TBL1XR1: variants seen among roughly 807,000 people sequenced by gnomAD.
TBL1XR1 encodes TBL1X/Y related 1, also known as F-box-like/WD repeat-containing protein TBL1XR1.
Under a neutral mutation model 66.9 loss-of-function variants are expected in TBL1XR1, and 5 were observed. That is an observed-to-expected ratio of 0.07 (90% confidence interval 0.04 to 0.16). The LOEUF is 0.16. Ranked by LOEUF, TBL1XR1 falls within the 10% of genes least tolerant of loss-of-function variation. The pLI, the probability that TBL1XR1 is intolerant of heterozygous loss-of-function variation, is 1.00. For missense variants in TBL1XR1, 238 were observed against 623.2 expected, an observed-to-expected ratio of 0.38 and a Z score of 6.58; for synonymous variants, 210 against 206.0, an observed-to-expected ratio of 1.02 and a Z score of -0.17.
chr3:177,145,068 T>C (rs1279881698), intron 1 of TBL1XR1, among the ~76,000 whole-genome samples: 4 of 152,234 alleles, frequency 2.6e-5, no homozygotes, highest in Non-Finnish European at 5.9e-5. Flanking sequence ...TGTTTAATTA[T>C]AACTTCAAGT....
intron 1 of TBL1XR1, among the ~76,000 whole-genome samples, chr3:177,100,589 C>G (rs1012856322): frequency 5.3e-5 from 8 of 151,986 alleles, no homozygotes; most frequent in Admixed American, 3.3e-4. Context: ...CACGCCTGGC[C>G]AATTTTGGTA....
At chr3:177,141,907 G>A (rs1729674898) in intron 1 of TBL1XR1, among the ~76,000 whole-genome samples, 1 of 152,164 alleles carries the variant, frequency 6.6e-6, no homozygotes, top group African/African-American at 2.4e-5. Flanking sequence ...CAACATAGAT[G>A]ACTGTGAGGA....
chr3:177,025,838 A>G (rs182640282), intron 15 of TBL1XR1: 7 of 359,576 alleles, frequency 1.9e-5, no homozygotes, highest in Non-Finnish European at 3.0e-5. Context: ...CTAATGAAAG[A>G]TATCACAGAT....
At chr3:177,150,942 T>C (rs1432437831) in intron 1 of TBL1XR1, among the ~76,000 whole-genome samples, 1 of 152,148 alleles carries the variant, frequency 6.6e-6, no homozygotes, top group Non-Finnish European at 1.5e-5. Flanking sequence ...GGAAGGTGAG[T>C]TGTTCAAAAC....
intron 1 of TBL1XR1, among the ~76,000 whole-genome samples, chr3:177,132,401 G>T (rs947818852): frequency 1.4e-4 from 21 of 152,310 alleles, no homozygotes; most frequent in Middle Eastern, 6.8e-3. Flanking sequence ...CTTTGCTTGT[G>T]ATGTGCAACC....
chr3:177,146,668 T>G (rs1730295316), intron 1 of TBL1XR1, among the ~76,000 whole-genome samples: 2 of 149,708 alleles, frequency 1.3e-5, no homozygotes, highest in Non-Finnish European at 3.0e-5. Flanking sequence ...CAGGAAGCTA[T>G]CAAGCTCACA....
intron 1 of TBL1XR1, among the ~76,000 whole-genome samples, chr3:177,194,562 A>AGGG (rs1559976300): frequency 6.6e-6 from 1 of 152,214 alleles, no homozygotes; most frequent in Non-Finnish European, 1.5e-5. Flanking sequence ...AAGTTGTACT[A>AGGG]GGGAGATTCC....
At chr3:177,144,113 T>TATA (rs909360986) in intron 1 of TBL1XR1, among the ~76,000 whole-genome samples, 6 of 151,984 alleles carry the variant, frequency 3.9e-5, no homozygotes, top group African/African-American at 1.4e-4. Context: ...GGCATGGTGC[T>TATA]ATATGCCTGT....
At chr3:177,032,646 T>G (rs2108406026) in intron 14 of TBL1XR1, 1 of 174,146 alleles carries the variant, frequency 5.7e-6, no homozygotes, top group East Asian at 1.5e-4. Context: ...CACATATAGC[T>G]CCTTCGGAGA....
intron 2 of TBL1XR1, among the ~76,000 whole-genome samples, chr3:177,089,454 T>C (rs185014480): frequency 2.6e-5 from 4 of 152,256 alleles, no homozygotes; most frequent in Admixed American, 2.0e-4. Context: ...AAGAGACATG[T>C]TCTACACTGT....
intron 1 of TBL1XR1, chr3:177,120,803 A>C (rs1326187592): frequency 6.6e-6 from 1 of 152,264 alleles, no homozygotes; most frequent in East Asian, 1.9e-4. Flanking sequence ...GACCAGCTCA[A>C]ATTTACAGTA....
chr3:177,077,229 A>C (rs1479483141), intron 2 of TBL1XR1, among the ~76,000 whole-genome samples: 1 of 152,222 alleles, frequency 6.6e-6, no homozygotes, highest in Non-Finnish European at 1.5e-5. Context: ...AAGAACCACA[A>C]AGAAATTTTA....
At chr3:177,135,809 A>G (rs1172234708) in intron 1 of TBL1XR1, among the ~76,000 whole-genome samples, 2 of 151,928 alleles carry the variant, frequency 1.3e-5, no homozygotes, top group African/African-American at 2.4e-5. Context: ...TTCCTGCTCT[A>G]CTGGCATTTA....
chr3:177,047,691 T>A, intron 7 of TBL1XR1, 142 bp from the exon 8 acceptor site: 2 of 841,920 alleles, frequency 2.4e-6, no homozygotes, highest in South Asian at 3.5e-5. Flanking sequence ...TGCCTACTTG[T>A]GAGTGCCACT....
chr3:177,085,962 T>C (rs1722065626), intron 2 of TBL1XR1, among the ~76,000 whole-genome samples: 1 of 152,116 alleles, frequency 6.6e-6, no homozygotes, highest in African/African-American at 2.4e-5. Flanking sequence ...TGACAAAGTA[T>C]ATGATATGGA....
At chr3:177,197,562 C>T (rs945660951), upstream of TBL1XR1, among the ~76,000 whole-genome samples, 465 of 145,682 alleles carry the variant, frequency 3.2e-3, 2 homozygotes, top group Non-Finnish European at 5.3e-3. Flanking sequence ...CTCGCGAGGC[C>T]CGCGGCGGCG....
intron 1 of TBL1XR1, among the ~76,000 whole-genome samples, chr3:177,186,478 C>T (rs534499775): frequency 3.3e-5 from 5 of 152,038 alleles, no homozygotes; most frequent in African/African-American, 7.2e-5. Flanking sequence ...GAGTCAATTG[C>T]CTTATACTGT....
intron 1 of TBL1XR1, among the ~76,000 whole-genome samples, chr3:177,155,345 T>TA (rs1270951724): frequency 5.3e-5 from 8 of 151,962 alleles, no homozygotes; most frequent in African/African-American, 1.9e-4. Flanking sequence ...TTATGAAAAA[T>TA]AAAAAAACAT....
chr3:177,135,221 C>T (rs1465572395), intron 1 of TBL1XR1, among the ~76,000 whole-genome samples: 1 of 148,880 alleles, frequency 6.7e-6, no homozygotes. Flanking sequence ...AGACTGGTTT[C>T]AAACTCCTGA....
Sources: allele counts gnomAD v4.1 joint callset (sites outside exome capture counted in the v4.1 genomes callset), GRCh38; gene constraint gnomAD v4.1.1; transcripts MANE v1.5; gene names NCBI Gene and HGNC (gene_info 2026-07-23, HGNC 2026-07-21).